Variants in NFYA observed in about 807,000 individuals in gnomAD.
The protein encoded by NFYA is nuclear transcription factor Y subunit alpha.
Under a neutral mutation model 52.8 loss-of-function variants are expected in NFYA, and 28 were observed. That is an observed-to-expected ratio of 0.53 (90% CI 0.39 to 0.73). The LOEUF (loss-of-function observed/expected upper bound fraction) is 0.73. Among genes scored for constraint, NFYA ranks in the 30% least tolerant of loss-of-function variants. NFYA has a pLI of 0.00. For synonymous variants in NFYA, 150 were observed against 150.7 expected (o/e 1.00, Z 0.03); for missense variants, 234 against 427.0 (o/e 0.55, Z 3.98).
Position 41,089,509 on chromosome 6 carries a change from A to G in NFYA, c.310-70A>G, listed in dbSNP as rs2113811260. 8 of 1,436,074 alleles carry G rather than the reference A, an allele frequency of 5.6e-6. No homozygotes were observed. The East Asian group carries it at 1.5e-4, about 28-fold the overall frequency. 89.0% of individuals were successfully genotyped at this position (1,436,074 alleles called of 1,614,324 possible). A position where few individuals can be genotyped will look rare whatever the true frequency, so the allele number is the denominator to read the frequency against. ...TTTTCTGCTTTCTAGAGAAATGTGGATAACTCTCGGGGACCAAAGGAGACC... is the reference window on the plus strand; with the variant it reads ...TTTTCTGCTTTCTAGAGAAATGTGGGTAACTCTCGGGGACCAAAGGAGACC... On this transcript the variant is annotated intron_variant, in intron 4 of 9. Coordinates refer to ENST00000341376, the MANE Select transcript of NFYA (RefSeq NM_002505.5).
intron 1 of NFYA, among the ~76,000 whole-genome samples, chr6:41,077,953 T>A (rs905917115): frequency 6.6e-6 from 1 of 152,182 alleles, no homozygotes; most frequent in African/African-American, 2.4e-5. Flanking sequence ...TTAAATTTTG[T>A]TATATTTTTC....
Position 41,099,834 on chromosome 6 carries a change from T to G in NFYA, c.*2424T>G, listed in dbSNP as rs1764451881. On this transcript the variant is annotated 3_prime_UTR_variant, in exon 10 of 10. Coordinates refer to ENST00000341376, the MANE Select transcript of NFYA (RefSeq NM_002505.5). Reference sequence around the variant, plus strand: ...GAGCATTTTGTGGCTATAGGGTGCCTGATAATAATGTCTTGATTTTTCTTT... The same window carrying G: ...GAGCATTTTGTGGCTATAGGGTGCCGGATAATAATGTCTTGATTTTTCTTT... The G allele has an allele frequency of 6.6e-6, 1 of 152,262 alleles. No individual in the cohort carries two copies. Among genetic ancestry groups the G allele is most frequent in the East Asian group, 1.9e-4 (1 of 5,182 alleles). 9.4% of individuals were successfully genotyped at this position (152,262 alleles called of 1,614,324 possible).
intron 3 of NFYA, among the ~76,000 whole-genome samples, chr6:41,081,286 G>A (rs923014243): frequency 3.9e-5 from 6 of 151,946 alleles, no homozygotes; most frequent in Non-Finnish European, 8.8e-5. Flanking sequence ...TCAGGAGATC[G>A]AGACCATCCT....
intron 7 of NFYA, among the ~76,000 whole-genome samples, chr6:41,092,448 A>G (rs557059846): frequency 1.3e-5 from 2 of 152,360 alleles, no homozygotes; most frequent in African/African-American, 2.4e-5. Context: ...GCTGTGGGGT[A>G]CAGGACTCTG....
At chr6:41,093,299 C>T (rs1014526864) in intron 8 of NFYA, among the ~76,000 whole-genome samples, 7 of 152,106 alleles carry the variant, frequency 4.6e-5, no homozygotes, top group East Asian at 1.9e-4. Flanking sequence ...AGATGTTATT[C>T]CTTTTCATAC....
chr6:41,091,450 A>C, intron 6 of NFYA, 78 bp from the exon 7 acceptor site: 1 of 1,438,038 alleles, frequency 7.0e-7, no homozygotes, highest in Non-Finnish European at 9.5e-7. Flanking sequence ...TACCAGATAG[A>C]AGAGGGACTA....
In NFYA at chr6:41,093,068, A is replaced by G; in HGVS notation, c.871A>G (p.Ile291Val). The G allele has an allele frequency of 6.2e-7, 1 of 1,614,122 alleles. No individual in the cohort carries two copies. The highest frequency in any genetic ancestry group is 1.1e-5 in the South Asian group (1 of 91,078). ...ARAKLEAEGK[I>V]PKERRKYLHE... ...AGCTAAACTAGAGGCAGAAGGGAAA[A>G]TTCCAAAGGAGAGAAGGGTATGTAT... The change falls in exon 8 of 10, where the codon ATT (isoleucine) becomes GTT (valine). Residue 291 changes from isoleucine (I) to valine (V), a missense_variant. Ile to Val is a conservative substitution (Grantham distance 29, BLOSUM62 3). Transcript: ENST00000341376.
intron 3 of NFYA, among the ~76,000 whole-genome samples, chr6:41,083,513 G>A (rs1763964166): frequency 6.6e-6 from 1 of 152,202 alleles, no homozygotes; most frequent in Non-Finnish European, 1.5e-5. Flanking sequence ...TTTAGCTTGA[G>A]AGACTGTAGG....
intron 1 of NFYA, among the ~76,000 whole-genome samples, chr6:41,073,313 G>A (rs1391231477): frequency 6.6e-6 from 1 of 151,730 alleles, no homozygotes; most frequent in Admixed American, 6.6e-5. Flanking sequence ...GGCGCCTCGG[G>A]GAGCAGGCAC....
At chr6:41,084,941 C>G (rs1426931070) in intron 4 of NFYA, among the ~76,000 whole-genome samples, 1 of 151,962 alleles carries the variant, frequency 6.6e-6, no homozygotes, top group Non-Finnish European at 1.5e-5. Flanking sequence ...AGGCTGGGCA[C>G]CAGAGCAAGA....
intron 9 of NFYA, 61 bp downstream of exon 9, chr6:41,094,558 C>A (rs564491229): frequency 3.8e-6 from 5 of 1,313,258 alleles, no homozygotes; most frequent in East Asian, 2.3e-5. Flanking sequence ...TGAGTTGAAG[C>A]CTTCAGCAGT....
rs1479421600 is a variant in NFYA at position 41,089,593 on chromosome 6, A to G, written c.324A>G (p.Pro108=). The G allele has an allele frequency of 6.2e-7, 1 of 1,612,428 alleles. No homozygotes were observed. The highest frequency in any genetic ancestry group is 2.2e-5 in the East Asian group (1 of 44,870). The change falls in exon 5 of 10, where the codon CCA becomes CCG. Residue 108 remains proline, a synonymous_variant. Transcript: ENST00000341376. Reference sequence around the variant, plus strand: ...CTTTTCTGCAGATACAGTTGGTCCCACCTGGACAGATCCAGATCCAGGGTG... The same window carrying G: ...CTTTTCTGCAGATACAGTTGGTCCCGCCTGGACAGATCCAGATCCAGGGTG... The part of the protein sequence containing the change: ...TQGLQQIQLV[P]PGQIQIQGGQ...
At chr6:41,087,364 C>T (rs1764076586) in intron 4 of NFYA, among the ~76,000 whole-genome samples, 2 of 152,274 alleles carry the variant, frequency 1.3e-5, no homozygotes, top group South Asian at 4.1e-4. Context: ...CACCTTCCTT[C>T]CATCAGTAGT....
chr6:41,094,484 G>A lies in NFYA; in HGVS notation c.977G>A (p.Ser326Asn). The A allele has an allele frequency of 1.9e-6, 3 of 1,613,642 alleles. No individual in the cohort carries two copies. Among genetic ancestry groups the A allele is most frequent in the Non-Finnish European group, 2.5e-6 (3 of 1,179,518 alleles). The change falls in exon 9 of 10, where the codon AGT becomes AAT. Residue 326 changes from serine to asparagine, a missense_variant. Physicochemically the swap from Ser to Asn is conservative, Grantham distance 46. This residue lies in a region of NFYA where 35 missense variants were observed against 34.2 expected (regional missense o/e 1.02). Transcript: ENST00000341376. ...TTTTTCTCTCCAAAGGAAAAGGATA[G>A]TCCCCATATGCAGGTAGGAAGACAT... is the stretch of plus-strand genomic sequence containing the variant. ...GRFFSPKEKD[S>N]PHMQDPNQAD...
intron 2 of NFYA, among the ~76,000 whole-genome samples, chr6:41,079,416 A>G (rs1763846990): frequency 1.3e-5 from 2 of 152,182 alleles, no homozygotes; most frequent in Admixed American, 1.3e-4. Flanking sequence ...TGGTTTTCAG[A>G]TGGAAATTTG....
Position 41,080,794 on chromosome 6 carries a change from C to T in NFYA, c.76-17C>T, listed in dbSNP as rs368130962. On this transcript the variant is annotated splice_polypyrimidine_tract_variant and intron_variant, in intron 2 of 9. Coordinates refer to ENST00000341376, the MANE Select transcript of NFYA (RefSeq NM_002505.5). ...CCTTCCTGACATATTTCAAGCTCTTCCTGTTCCTGTTCTCAGCAGCAGGGT... is the reference window on the plus strand; with the variant it reads ...CCTTCCTGACATATTTCAAGCTCTTTCTGTTCCTGTTCTCAGCAGCAGGGT... 6.2e-7 allele frequency: 1 copy of T among 1,606,920 alleles called. No homozygotes were observed. The highest frequency in any genetic ancestry group is 1.3e-5 in the African/African-American group (1 of 74,812).
At chr6:41,079,266 A>G in intron 2 of NFYA, 102 bp downstream of exon 2, 1 of 1,064,184 alleles carries the variant, frequency 9.4e-7, no homozygotes, top group Non-Finnish European at 1.4e-6. Context: ...GAAAGATACC[A>G]GATCTTGTGA....
At chr6:41,091,728 A>C in intron 7 of NFYA, 34 bp downstream of exon 7, 1 of 1,599,866 alleles carries the variant, frequency 6.3e-7, no homozygotes, top group Non-Finnish European at 8.5e-7. Context: ...TTGTCTTTGA[A>C]ATTTTCTTGA....
At chr6:41,075,612 C>G (rs1763711726) in intron 1 of NFYA, 1 of 151,982 alleles carries the variant, frequency 6.6e-6, no homozygotes, top group African/African-American at 2.4e-5. Flanking sequence ...TTTTTATGCT[C>G]TCTTGATTTG....
Sources: gnomAD v4.1 joint callset for allele counts (sites outside exome capture counted in the v4.1 genomes callset) on GRCh38, gnomAD v4.1.1 for gene constraint, gnomAD v4.1.1 regional missense constraint, MANE v1.5 for transcripts, NCBI Gene and HGNC (gene_info 2026-07-23, HGNC 2026-07-21) for gene names.